MCPH1: variants seen among roughly 807,000 people sequenced by gnomAD.
MCPH1 encodes the protein microcephalin.
Under a neutral mutation model 84.5 loss-of-function variants are expected in MCPH1, and 104 were observed. That is an observed-to-expected ratio of 1.23 (90% CI 1.05 to 1.45). The LOEUF is 1.45. Among genes scored for constraint, MCPH1 ranks in the 40% most tolerant of loss-of-function variants. The pLI, the probability that MCPH1 is intolerant of heterozygous loss-of-function variation, is 0.00. For missense variants in MCPH1, 1,498 were observed against 1,005.7 expected (o/e 1.49, Z -6.62); for synonymous variants, 514 against 366.8 (o/e 1.40, Z -4.58).
rs780921843 is a variant in MCPH1 at position 6,621,442 on chromosome 8, T to G, written c.2215-12T>G. 8.1e-6 allele frequency: 13 copies of G among 1,613,652 alleles called. No individual in the cohort carries two copies. Among genetic ancestry groups the G allele is most frequent in the Non-Finnish European group, 1.1e-5 (13 of 1,179,900 alleles). ...TCCCACCTCTGTAATTCTATCTCTGTCTGCCCCACAGCTGTGCCGAAGCGA... is the reference window on the plus strand; with the variant it reads ...TCCCACCTCTGTAATTCTATCTCTGGCTGCCCCACAGCTGTGCCGAAGCGA... On this transcript the variant is annotated splice_polypyrimidine_tract_variant and intron_variant, in intron 12 of 13. Transcript: ENST00000344683.
At chr8:6,607,647 G>A (rs138839532) in intron 12 of MCPH1, among the ~76,000 whole-genome samples, 208 of 152,250 alleles carry the variant, frequency 1.4e-3, no homozygotes, top group African/African-American at 4.7e-3. Flanking sequence ...TCGAATCATG[G>A]GGGCAGTTTC....
At position 6,590,082 on chromosome 8, in the gene MCPH1, G is replaced by T. The variant is rs149660379; in HGVS notation, c.2215-31372G>T. Among the ~76,000 whole-genome samples the T allele has an allele frequency of 5.7e-4, 87 of 152,198 alleles. No homozygotes were observed. In the East Asian group the frequency reaches 0.015, roughly 27 times the overall value. On this transcript the variant is annotated intron_variant, in intron 12 of 13. Transcript: ENST00000344683. The stretch of plus-strand genomic sequence containing the variant: ...AGCACGTTCTTTATAATAGCAAAAA[G>T]TGGGGGAGTGAGGAACATTTGGTGC...
chr8:6,609,825 C>A (rs1177534073), intron 12 of MCPH1, among the ~76,000 whole-genome samples: 1 of 128,700 alleles, frequency 7.8e-6, no homozygotes, highest in Non-Finnish European at 1.9e-5. Flanking sequence ...CCCCGCCCCC[C>A]CCCCACACAC....
At chr8:6,431,351 T>C (rs1031496094) in intron 3 of MCPH1, 148 bp from the exon 4 acceptor site, 9 of 637,358 alleles carry the variant, frequency 1.4e-5, no homozygotes, top group Non-Finnish European at 2.2e-5. Flanking sequence ...CTGACTTTTG[T>C]ATTTGCAGTT....
intron 13 of MCPH1, chr8:6,642,642 T>A (rs146792260): frequency 6.9e-4 from 272 of 396,382 alleles, no homozygotes; most frequent in African/African-American, 5.2e-3. Flanking sequence ...CTGGAAGTGG[T>A]GAGCTAAGAT....
chr8:6,448,552 C>T lies in MCPH1; in HGVS notation c.1825+3005C>T, dbSNP rs540261079. On this transcript the variant is annotated intron_variant, in intron 8 of 13. Coordinates refer to ENST00000344683, the MANE Select transcript of MCPH1 (RefSeq NM_024596.5). ...AAATGTAACCATGGTCACTGAAGAA[C>T]AGACTGTGGGTTGGAGTGTTTGTCT... 5.3e-5 allele frequency among the ~76,000 whole-genome samples: 8 copies of T among 152,338 alleles called. No homozygotes were observed. The South Asian group carries it at 1.2e-3, about 24-fold the overall frequency.
At chr8:6,448,552 C>G (rs540261079) in intron 8 of MCPH1, among the ~76,000 whole-genome samples, 1 of 152,220 alleles carries the variant, frequency 6.6e-6, no homozygotes, top group African/African-American at 2.4e-5. Context: ...CACTGAAGAA[C>G]AGACTGTGGG....
intron 4 of MCPH1, 27 bp from the exon 5 acceptor site, chr8:6,436,021 A>T: frequency 1.9e-6 from 3 of 1,612,096 alleles, no homozygotes. Flanking sequence ...GCAGTACAGC[A>T]TTAATTTTTG....
intron 12 of MCPH1, among the ~76,000 whole-genome samples, chr8:6,516,184 T>G (rs4276711): frequency 0.12 from 17,799 of 152,202 alleles, 1,208 homozygotes; most frequent in African/African-American, 0.19. Context: ...ATGTAGAAAA[T>G]CAGTCTGCAC....
intron 12 of MCPH1, among the ~76,000 whole-genome samples, chr8:6,520,907 C>G (rs1817210399): frequency 6.6e-6 from 1 of 152,126 alleles, no homozygotes; most frequent in African/African-American, 2.4e-5. Context: ...AGTAATTTGC[C>G]CAGTCTCATC....
intron 12 of MCPH1, among the ~76,000 whole-genome samples, chr8:6,528,304 G>C (rs966710420): frequency 6.6e-6 from 1 of 152,180 alleles, no homozygotes; most frequent in African/African-American, 2.4e-5. Flanking sequence ...CATACAATGA[G>C]ACAAGTAGGA....
intron 12 of MCPH1, among the ~76,000 whole-genome samples, chr8:6,563,840 T>C (rs951325866): frequency 2.6e-5 from 4 of 152,204 alleles, no homozygotes; most frequent in African/African-American, 9.7e-5. Context: ...AACATCAGTT[T>C]CTGAGCTCTG....
chr8:6,483,602 A>G (rs984634203), intron 11 of MCPH1, among the ~76,000 whole-genome samples: 1 of 152,178 alleles, frequency 6.6e-6, no homozygotes, highest in African/African-American at 2.4e-5. Context: ...GACATACACA[A>G]TCAAGAAAAG....
At chr8:6,626,038 C>A (rs1379375166) in intron 13 of MCPH1, 1 of 985,306 alleles carries the variant, frequency 1.0e-6, no homozygotes, top group African/African-American at 1.7e-5. Context: ...CCGAGCACCA[C>A]AGTCCACCCG....
At chr8:6,442,485 G>C (rs866364721) in intron 7 of MCPH1, among the ~76,000 whole-genome samples, 2 of 152,174 alleles carry the variant, frequency 1.3e-5, no homozygotes, top group African/African-American at 4.8e-5. Flanking sequence ...AGGAAATGTT[G>C]TTTCACACAA....
intron 12 of MCPH1, chr8:6,619,018 C>G (rs1831138202): frequency 6.6e-6 from 1 of 152,142 alleles, no homozygotes; most frequent in Non-Finnish European, 1.5e-5. Flanking sequence ...AAAAACTCCC[C>G]CAGAATCCCA....
At chr8:6,512,888 C>T (rs1347299482) in intron 12 of MCPH1, among the ~76,000 whole-genome samples, 1 of 152,192 alleles carries the variant, frequency 6.6e-6, no homozygotes, top group Non-Finnish European at 1.5e-5. Flanking sequence ...ACTAACCATC[C>T]CACCTAACTC....
intron 11 of MCPH1, among the ~76,000 whole-genome samples, chr8:6,481,969 A>C (rs918514951): frequency 1.3e-5 from 2 of 152,208 alleles, no homozygotes; most frequent in African/African-American, 4.8e-5. Context: ...TCTGACTAGC[A>C]TGAAGAAATC....
intron 12 of MCPH1, among the ~76,000 whole-genome samples, chr8:6,519,228 G>A (rs1816850782): frequency 6.6e-6 from 1 of 152,152 alleles, no homozygotes; most frequent in Non-Finnish European, 1.5e-5. Flanking sequence ...GTGTCCCTCA[G>A]ACCATGTCAC....
Sources: gnomAD v4.1 joint callset for allele counts (sites outside exome capture counted in the v4.1 genomes callset) on GRCh38, gnomAD v4.1.1 for gene constraint, MANE v1.5 for transcripts, NCBI Gene and HGNC (gene_info 2026-07-23, HGNC 2026-07-21) for gene names.